NRXN3: variants seen among roughly 807,000 people sequenced by gnomAD.
NRXN3 encodes the protein neurexin III.
NRXN3 carries 32 observed loss-of-function variants against 137.6 expected under a neutral mutation model. That is an observed-to-expected ratio of 0.23 (90% CI 0.18 to 0.31). NRXN3 has a LOEUF of 0.31. NRXN3 is among the 10% of genes least tolerant of loss of function. The pLI, the probability that NRXN3 is intolerant of heterozygous loss-of-function variation, is 1.00. For synonymous variants in NRXN3, 798 were observed against 784.5 expected (o/e 1.02, Z -0.29); for missense variants, 1,574 against 2,062.5 (o/e 0.76, Z 4.59).
chr14:79,654,650 T>A (rs1318979950), intron 16 of NRXN3, among the ~76,000 whole-genome samples: 4 of 152,132 alleles, frequency 2.6e-5, no homozygotes, highest in Non-Finnish European at 5.9e-5. Context: ...CTCAAACATA[T>A]CATAAAAAAC....
chr14:79,517,968 C>G (rs1391069153), intron 16 of NRXN3, among the ~76,000 whole-genome samples: 1 of 123,154 alleles, frequency 8.1e-6, no homozygotes, highest in East Asian at 2.6e-4. Flanking sequence ...TACAGTGGTG[C>G]GATCTCGGTT....
chr14:79,035,991 G>A (rs1472958936), intron 15 of NRXN3, among the ~76,000 whole-genome samples: 1 of 151,932 alleles, frequency 6.6e-6, no homozygotes, highest in Admixed American at 6.6e-5. Context: ...TTTTCAGGAG[G>A]AAAAATTAAT....
intron 4 of NRXN3, among the ~76,000 whole-genome samples, chr14:78,495,167 T>A (rs2095755106): frequency 7.0e-6 from 1 of 142,552 alleles, no homozygotes; most frequent in South Asian, 2.2e-4. Context: ...GTGTGTGAAG[T>A]TGCATGTTGG....
chr14:79,540,764 C>T, intron 16 of NRXN3, among the ~76,000 whole-genome samples: 1 of 152,138 alleles, frequency 6.6e-6, no homozygotes, highest in Non-Finnish European at 1.5e-5. Context: ...GTTTTAAAGA[C>T]CACTGGGTAG....
At chr14:78,219,043 A>G (rs1484774075) in intron 1 of NRXN3, among the ~76,000 whole-genome samples, 1 of 152,170 alleles carries the variant, frequency 6.6e-6, no homozygotes, top group Non-Finnish European at 1.5e-5. Context: ...TAAGGACACC[A>G]GTTAGATTGG....
chr14:78,875,412 G>T (rs2099111718), intron 10 of NRXN3, among the ~76,000 whole-genome samples: 1 of 152,122 alleles, frequency 6.6e-6, no homozygotes, highest in African/African-American at 2.4e-5. Flanking sequence ...TGGGATGTAG[G>T]CTCCATCAAC....
intron 16 of NRXN3, among the ~76,000 whole-genome samples, chr14:79,569,602 C>CGTGTGTGTGT (rs3061386): frequency 1.4e-5 from 2 of 145,514 alleles, no homozygotes; most frequent in African/African-American, 5.1e-5. Context: ...GAATGAGCAA[C>CGTGTGTGTGT]GTGTGTGTGT....
chr14:79,261,958 A>G (rs1462563402), intron 15 of NRXN3, among the ~76,000 whole-genome samples: 18 of 152,040 alleles, frequency 1.2e-4, no homozygotes, highest in Admixed American at 1.2e-3. Flanking sequence ...CTCAGATGCT[A>G]ATGTGGTGGG....
At position 78,993,415 on chromosome 14, in the gene NRXN3, C is replaced by T. The variant is rs376271726; in HGVS notation, c.3262+5274C>T. ...ATGTTGTTATGAACCTATGTTGTTC[C>T]AGACCTATTGGTATAGCAGTAATTT... On this transcript the variant is annotated intron_variant, in intron 15 of 20. Coordinates refer to ENST00000335750, the MANE Select transcript of NRXN3 (RefSeq NM_001330195.2). Among the ~76,000 whole-genome samples, 34 of 152,200 alleles carry T rather than the reference C, an allele frequency of 2.2e-4. 2 individuals are homozygous for T. Among genetic ancestry groups the T allele is most frequent in the African/African-American group, 8.2e-4 (34 of 41,516 alleles).
chr14:79,082,571 A>G (rs2047274543), intron 15 of NRXN3, among the ~76,000 whole-genome samples: 1 of 152,174 alleles, frequency 6.6e-6, no homozygotes, highest in Non-Finnish European at 1.5e-5. Flanking sequence ...GTTACAGATT[A>G]TCTCCAGTCT....
At chr14:78,493,119 C>G (rs2095699702) in intron 4 of NRXN3, among the ~76,000 whole-genome samples, 1 of 152,142 alleles carries the variant, frequency 6.6e-6, no homozygotes, top group Admixed American at 6.6e-5. Context: ...TTGACTTTTA[C>G]CCAGTTGCCA....
intron 4 of NRXN3, among the ~76,000 whole-genome samples, chr14:78,390,901 C>T (rs1447142849): frequency 6.6e-6 from 1 of 152,174 alleles, no homozygotes; most frequent in East Asian, 1.9e-4. Context: ...TTAAGCCCAG[C>T]ATGCATTAGC....
At chr14:78,793,895 C>T (rs1342605973) in intron 8 of NRXN3, among the ~76,000 whole-genome samples, 4 of 152,118 alleles carry the variant, frequency 2.6e-5, no homozygotes, top group Non-Finnish European at 4.4e-5. Context: ...AAGGGCCAGT[C>T]GTGCAAATAG....
At chr14:79,114,726 C>T (rs1369881997) in intron 15 of NRXN3, among the ~76,000 whole-genome samples, 1 of 152,036 alleles carries the variant, frequency 6.6e-6, no homozygotes, top group Admixed American at 6.5e-5. Flanking sequence ...TGAGGACTTG[C>T]TATGTTGCTC....
intron 19 of NRXN3, among the ~76,000 whole-genome samples, chr14:79,738,322 C>T (rs79792204): frequency 1.4e-5 from 2 of 146,328 alleles, no homozygotes; most frequent in Non-Finnish European, 3.0e-5. Flanking sequence ...CCGCCACACA[C>T]ACACACACAC....
chr14:79,359,169 T>G (rs951858323), intron 15 of NRXN3, among the ~76,000 whole-genome samples: 1 of 152,226 alleles, frequency 6.6e-6, no homozygotes, highest in Non-Finnish European at 1.5e-5. Context: ...TGGTTTTAGG[T>G]AGCAAAGACA....
chr14:79,530,130 C>G (rs887125986), intron 16 of NRXN3, among the ~76,000 whole-genome samples: 1 of 152,120 alleles, frequency 6.6e-6, no homozygotes, highest in East Asian at 1.9e-4. Flanking sequence ...TTATTAGCAC[C>G]TCTGAGTGTT....
chr14:79,095,595 A>G (rs1179942663), intron 15 of NRXN3, among the ~76,000 whole-genome samples: 1 of 152,122 alleles, frequency 6.6e-6, no homozygotes, highest in Non-Finnish European at 1.5e-5. Context: ...TAGGTGTTGA[A>G]GATAAAACAG....
chr14:79,371,787 T>C (rs1344847773), intron 15 of NRXN3, among the ~76,000 whole-genome samples: 1 of 152,160 alleles, frequency 6.6e-6, no homozygotes, highest in Non-Finnish European at 1.5e-5. Context: ...CCCATTTTAT[T>C]TGAGGATAAT....
Sources: allele counts gnomAD v4.1 joint callset (sites outside exome capture counted in the v4.1 genomes callset), GRCh38; gene constraint gnomAD v4.1.1; transcripts MANE v1.5; gene names NCBI Gene and HGNC (gene_info 2026-07-23, HGNC 2026-07-21).